Variants in ADAMTSL3 observed in about 807,000 individuals in gnomAD.
ADAMTSL3 encodes ADAMTS-like protein 3.
A neutral mutation model predicts 201.7 loss-of-function variants in ADAMTSL3; 128 were observed. The observed-to-expected ratio is 0.63, with a 90% CI of 0.55 to 0.73. The LOEUF (loss-of-function observed/expected upper bound fraction) is 0.73, where lower values mean the gene tolerates loss of function less well. Ranked by LOEUF, ADAMTSL3 falls within the 30% of genes least tolerant of loss-of-function variation. ADAMTSL3 has a pLI of 0.00. For synonymous variants in ADAMTSL3, 738 were observed against 748.4 expected (o/e 0.99, Z 0.23); for missense variants, 1,990 against 2,119.6 (o/e 0.94, Z 1.20).
At position 84,016,417 on chromosome 15, in the gene ADAMTSL3, G is replaced by A. The variant is rs750581420; in HGVS notation, c.4191G>A (p.Leu1397=). The change falls in exon 25 of 30, where the codon CTG becomes CTA. Residue 1397 remains leucine, a synonymous_variant. Transcript: ENST00000286744. Reference sequence around the variant, plus strand: ...GGCCAGAGAGTAGAATCGTATTTCTGCAAGGACATAAAAAGTACATTCTCC... The same window carrying A: ...GGCCAGAGAGTAGAATCGTATTTCTACAAGGACATAAAAAGTACATTCTCC... ...RRWPESRIVF[L]QGHKKYILQA... The A allele has an allele frequency of 1.0e-4, 161 of 1,613,542 alleles. No individual in the cohort carries two copies. Among genetic ancestry groups the A allele is most frequent in the Non-Finnish European group, 1.3e-4 (156 of 1,179,918 alleles).
intron 23 of ADAMTSL3, among the ~76,000 whole-genome samples, chr15:84,013,267 C>G (rs541505087): frequency 6.6e-6 from 1 of 152,208 alleles, no homozygotes; most frequent in Non-Finnish European, 1.5e-5. Context: ...GACTGCCTCC[C>G]AGGAAATAGG....
intron 9 of ADAMTSL3, among the ~76,000 whole-genome samples, chr15:83,877,069 C>T (rs998933038): frequency 6.6e-6 from 1 of 152,154 alleles, no homozygotes; most frequent in African/African-American, 2.4e-5. Context: ...GCTGGGATTA[C>T]AGGTGTGAGC....
intron 15 of ADAMTSL3, among the ~76,000 whole-genome samples, chr15:83,903,970 A>AGGAGGG (rs1567226231): frequency 8.6e-6 from 1 of 116,604 alleles, no homozygotes; most frequent in African/African-American, 3.5e-5. Flanking sequence ...GAAAGAAAGA[A>AGGAGGG]AAGGAGCTAC....
chr15:83,801,903 G>T (rs201925132), intron 4 of ADAMTSL3, among the ~76,000 whole-genome samples: 2 of 150,974 alleles, frequency 1.3e-5, no homozygotes, highest in Non-Finnish European at 3.0e-5. Flanking sequence ...TGAAACACAC[G>T]ACTGGATACA....
intron 17 of ADAMTSL3, among the ~76,000 whole-genome samples, chr15:83,936,986 G>A (rs1462283262): frequency 2.0e-5 from 3 of 150,842 alleles, no homozygotes; most frequent in Non-Finnish European, 4.4e-5. Flanking sequence ...CAGTCAGATG[G>A]CTATTATTAA....
At chr15:83,739,915 G>A (rs917564207) in intron 3 of ADAMTSL3, 16 of 580,596 alleles carry the variant, frequency 2.8e-5, no homozygotes, top group Admixed American at 2.4e-4. Flanking sequence ...CAGTGGGAGA[G>A]AAGACGCATC....
intron 2 of ADAMTSL3, among the ~76,000 whole-genome samples, chr15:83,670,751 G>T (rs2061320268): frequency 6.6e-6 from 1 of 152,166 alleles, no homozygotes. Context: ...ATTGAGGTTG[G>T]TATCTGGTAA....
chr15:83,817,604 G>T (rs1416989311), intron 5 of ADAMTSL3, among the ~76,000 whole-genome samples: 2 of 152,056 alleles, frequency 1.3e-5, no homozygotes, highest in African/African-American at 4.8e-5. Context: ...ATGACAAAGA[G>T]TTGATAATTT....
intron 3 of ADAMTSL3, among the ~76,000 whole-genome samples, chr15:83,767,794 A>T (rs752528448): frequency 6.6e-6 from 1 of 152,182 alleles, no homozygotes; most frequent in East Asian, 1.9e-4. Flanking sequence ...TTTTATTGTA[A>T]CATTAAACTG....
rs184357457 is a variant in ADAMTSL3 at position 84,028,411 on chromosome 15, T to C, written c.4657-2924T>C. The stretch of plus-strand genomic sequence containing the variant: ...CAGTAAGTAAATGCAAGTAGAACTA[T>C]CATGACAGTAAAGACCTTTTTAAGC... On this transcript the variant is annotated intron_variant, in intron 27 of 29. Coordinates refer to ENST00000286744, the MANE Select transcript of ADAMTSL3 (RefSeq NM_207517.3). Among the ~76,000 whole-genome samples, 10 of 152,324 alleles carry C rather than the reference T, an allele frequency of 6.6e-5. No individual in the cohort carries two copies. In the East Asian group the frequency reaches 1.7e-3, roughly 26 times the overall value.
intron 27 of ADAMTSL3, chr15:84,025,691 AG>A: frequency 3.1e-6 from 1 of 323,240 alleles, no homozygotes; most frequent in South Asian, 5.3e-5. Context: ...AAGTTAGACC[AG>A]TTTAGGGCAG....
At chr15:84,024,791 T>A (rs2068272164) in intron 26 of ADAMTSL3, among the ~76,000 whole-genome samples, 1 of 152,240 alleles carries the variant, frequency 6.6e-6, no homozygotes, top group African/African-American at 2.4e-5. Flanking sequence ...TGGACATCCG[T>A]TTCTTTTCTA....
rs1000272227 is a variant in ADAMTSL3 at position 83,654,639 on chromosome 15, G to A, written c.-34+363G>A. The stretch of plus-strand genomic sequence containing the variant: ...GAAGGTCCGGCCGGTTGACCACTGG[G>A]TAGCGAGCGCCCAGAACGCCGGGGG... On this transcript the variant is annotated intron_variant, in intron 1 of 29. Transcript: ENST00000286744. The surrounding 1 kb of genome is among the most constrained non-coding windows in gnomAD (Gnocchi z 5.3). Among the ~76,000 whole-genome samples, 2 of 152,264 alleles carry A rather than the reference G, an allele frequency of 1.3e-5. No individual in the cohort carries two copies. Among genetic ancestry groups the A allele is most frequent in the African/African-American group, 4.8e-5 (2 of 41,572 alleles).
intron 13 of ADAMTSL3, among the ~76,000 whole-genome samples, chr15:83,896,231 A>T (rs1181277802): frequency 6.6e-6 from 1 of 152,172 alleles, no homozygotes; most frequent in African/African-American, 2.4e-5. Flanking sequence ...ATAACAAATG[A>T]AGGAGGTGCC....
At chr15:83,821,722 G>A (rs1444597175) in intron 6 of ADAMTSL3, among the ~76,000 whole-genome samples, 7 of 152,218 alleles carry the variant, frequency 4.6e-5, no homozygotes, top group Admixed American at 6.5e-5. Context: ...CAAAACCGCC[G>A]TTGTCGTCAT....
At chr15:83,955,988 C>G (rs1318532030) in intron 19 of ADAMTSL3, among the ~76,000 whole-genome samples, 1 of 152,148 alleles carries the variant, frequency 6.6e-6, no homozygotes, top group Non-Finnish European at 1.5e-5. Flanking sequence ...CACCATCAGA[C>G]TTGCCTAAGA....
chr15:83,692,703 A>G (rs964959810), intron 2 of ADAMTSL3, among the ~76,000 whole-genome samples: 9 of 151,718 alleles, frequency 5.9e-5, no homozygotes, highest in Non-Finnish European at 1.0e-4. Flanking sequence ...AAAAAAAAAA[A>G]AAAAGAATTT....
intron 20 of ADAMTSL3, among the ~76,000 whole-genome samples, chr15:83,973,705 T>C (rs988040259): frequency 1.3e-5 from 2 of 152,188 alleles, no homozygotes; most frequent in African/African-American, 4.8e-5. Context: ...ATATCAAGGC[T>C]AAAGTGGCAT....
chr15:83,744,529 A>T (rs1015866018), intron 3 of ADAMTSL3, among the ~76,000 whole-genome samples: 2 of 152,214 alleles, frequency 1.3e-5, no homozygotes, highest in African/African-American at 4.8e-5. Flanking sequence ...ATGTTTTGAA[A>T]TATGCATACA....
Sources: gnomAD v4.1 joint callset for allele counts (sites outside exome capture counted in the v4.1 genomes callset) on GRCh38, gnomAD v4.1.1 for gene constraint, Gnocchi (gnomAD v3.1) non-coding constraint, MANE v1.5 for transcripts, NCBI Gene and HGNC (gene_info 2026-07-23, HGNC 2026-07-21) for gene names.